The following EPB41L5 variants were observed in gnomAD, a reference collection of about 807,000 sequenced individuals.
EPB41L5 encodes the protein erythrocyte membrane protein band 4.1 like 5.
Under a neutral mutation model 106.6 loss-of-function variants are expected in EPB41L5, and 55 were observed. The ratio of observed to expected loss-of-function variants is 0.52; its 90% confidence interval spans 0.42 to 0.65. EPB41L5 has a LOEUF of 0.65. Ranked by LOEUF, EPB41L5 falls within the 30% of genes least tolerant of loss-of-function variation. The pLI, the probability that EPB41L5 is intolerant of heterozygous loss-of-function variation, is 0.00. For synonymous variants in EPB41L5, 297 were observed against 306.7 expected (o/e 0.97, Z 0.33); for missense variants, 871 against 882.1 (o/e 0.99, Z 0.16).
intron 20 of EPB41L5, among the ~76,000 whole-genome samples, chr2:120,154,708 C>T (rs1275029798): frequency 7.9e-5 from 12 of 151,996 alleles, no homozygotes; most frequent in East Asian, 7.8e-4. Context: ...GGGCAGATCA[C>T]GAGGTCAGGA....
At chr2:120,159,366 C>G (rs570618962) in intron 20 of EPB41L5, among the ~76,000 whole-genome samples, 1 of 141,476 alleles carries the variant, frequency 7.1e-6, no homozygotes, top group African/African-American at 2.7e-5. Flanking sequence ...GAGCTTGCAG[C>G]AAGCCGAGAT....
intron 16 of EPB41L5, chr2:120,105,316 A>T (rs554886778): frequency 1.0e-6 from 1 of 956,986 alleles, no homozygotes; most frequent in South Asian, 4.8e-5. Flanking sequence ...AACTATGTAC[A>T]TAGAAATTTA....
intron 20 of EPB41L5, among the ~76,000 whole-genome samples, 182 bp downstream of exon 20, chr2:120,146,471 T>G (rs1277154284): frequency 6.6e-6 from 1 of 152,254 alleles, no homozygotes; most frequent in African/African-American, 2.4e-5. Context: ...ATGTTCCTAA[T>G]TAGTCTCCCA....
rs995000471 is a variant in EPB41L5 at position 120,104,441 on chromosome 2, G to T, written c.1337+3627G>T. ...GAAGCCATATAGCATCAATGATAAT[G>T]ACAAATGTTTGTGTTGAAAAGAGTG... is the stretch of plus-strand genomic sequence containing the variant. On this transcript the variant is annotated intron_variant, in intron 16 of 24. Transcript: ENST00000263713. 11 of 1,330,112 alleles carry T rather than the reference G, an allele frequency of 8.3e-6. No homozygotes were observed. The African/African-American group carries it at 1.6e-4, about 20-fold the overall frequency. 82.4% of individuals were successfully genotyped at this position (1,330,112 alleles called of 1,614,324 possible). A position where few individuals can be genotyped will look rare whatever the true frequency, so the allele number is the denominator to read the frequency against.
intron 11 of EPB41L5, among the ~76,000 whole-genome samples, chr2:120,089,137 G>A (rs147994237): frequency 8.5e-5 from 13 of 152,100 alleles, no homozygotes; most frequent in East Asian, 7.7e-4. Context: ...GGTAATTAGC[G>A]TATCCATCTT....
chr2:120,100,200 A>G (rs769146578), intron 14 of EPB41L5, 44 bp from the exon 15 acceptor site: 1 of 1,521,756 alleles, frequency 6.6e-7, no homozygotes, highest in East Asian at 2.3e-5. Context: ...GAAGTCCTGA[A>G]ATTTCATATA....
Position 120,174,856 on chromosome 2 carries a change from G to A in EPB41L5, c.2151G>A (p.Leu717=). 2 of 1,614,096 alleles carry A rather than the reference G, an allele frequency of 1.2e-6. No homozygotes were observed. The highest frequency in any genetic ancestry group is 1.7e-6 in the Non-Finnish European group (2 of 1,180,006). The change falls in exon 25 of 25, where the codon TTG becomes TTA. Residue 717 remains leucine (L), a synonymous_variant. Coordinates refer to ENST00000263713, the MANE Select transcript of EPB41L5 (RefSeq NM_020909.4). ...VDAVTSSGPI[L]AEEAVLKQKC... ...TTCCTTTCAGCTCTGGTCCCATTTT[G>A]GCAGAAGAAGCTGTCCTGAAGCAGA...
At chr2:120,082,201 A>G (rs1682721914) in intron 10 of EPB41L5, among the ~76,000 whole-genome samples, 1 of 152,122 alleles carries the variant, frequency 6.6e-6, no homozygotes, top group Admixed American at 6.6e-5. Context: ...TTTCAAAGGG[A>G]ACGCTTCCAG....
chr2:120,117,012 T>C (rs1558887317), intron 16 of EPB41L5, among the ~76,000 whole-genome samples: 1 of 152,236 alleles, frequency 6.6e-6, no homozygotes, highest in Non-Finnish European at 1.5e-5. Context: ...AAAATATTTT[T>C]CATTTGCCCT....
chr2:120,107,385 C>T (rs1295056961), intron 16 of EPB41L5, among the ~76,000 whole-genome samples: 4 of 152,140 alleles, frequency 2.6e-5, no homozygotes, highest in Non-Finnish European at 5.9e-5. Context: ...TTTGCTAAAA[C>T]AAAATCATCT....
At position 120,127,686 on chromosome 2, in the gene EPB41L5, A is replaced by G. The variant is rs368615720; in HGVS notation, c.1338-2A>G. The G allele has an allele frequency of 1.3e-6, 2 of 1,579,868 alleles. No homozygotes were observed. The highest frequency in any genetic ancestry group is 2.7e-5 in the African/African-American group (2 of 74,516). On this transcript the variant is annotated splice_acceptor_variant, in intron 16 of 24. Coordinates refer to ENST00000263713, the MANE Select transcript of EPB41L5 (RefSeq NM_020909.4). LOFTEE classifies it high-confidence loss of function. ...TAAGTAAATTTTCTATTTCCATTGC[A>G]GCATTCCTCTGAATATTGATTTGCT...
At chr2:120,133,288 G>T (rs1017632325) in intron 18 of EPB41L5, among the ~76,000 whole-genome samples, 2 of 152,136 alleles carry the variant, frequency 1.3e-5, no homozygotes, top group Non-Finnish European at 2.9e-5. Context: ...ACCTTCATAA[G>T]AACCGGAAAT....
rs558889342 is a variant in EPB41L5 at position 120,124,532 on chromosome 2, G to A, written c.1338-3156G>A. Among the ~76,000 whole-genome samples the A allele has an allele frequency of 1.3e-4, 20 of 152,176 alleles. 1 individual carries two copies. The South Asian group carries it at 3.3e-3, about 25-fold the overall frequency. ...ATGAGAATCCCAATGCAGACATGAC[G>A]TTACTTCATTCCTATGTACTTTTGC... On this transcript the variant is annotated intron_variant, in intron 16 of 24. Coordinates refer to ENST00000263713, the MANE Select transcript of EPB41L5 (RefSeq NM_020909.4).
chr2:120,019,365 A>G, intron 2 of EPB41L5, 101 bp downstream of exon 2: 3 of 1,123,316 alleles, frequency 2.7e-6, no homozygotes, highest in Non-Finnish European at 3.9e-6. Context: ...GAAATAAGTA[A>G]AGGTATTATG....
intron 16 of EPB41L5, among the ~76,000 whole-genome samples, chr2:120,119,838 T>C (rs1446726923): frequency 5.3e-5 from 8 of 152,196 alleles, no homozygotes; most frequent in Admixed American, 4.6e-4. Flanking sequence ...ACAATTAATT[T>C]GCATTTCTTT....
intron 18 of EPB41L5, among the ~76,000 whole-genome samples, chr2:120,142,140 T>C (rs1326483664): frequency 6.7e-6 from 1 of 148,904 alleles, no homozygotes; most frequent in Non-Finnish European, 1.5e-5. Context: ...AAAAACAAGG[T>C]AAAATATACA....
At chr2:120,016,378 C>A (rs902974950) in intron 1 of EPB41L5, among the ~76,000 whole-genome samples, 1 of 151,382 alleles carries the variant, frequency 6.6e-6, no homozygotes, top group Non-Finnish European at 1.5e-5. Context: ...TGCAGTGAGC[C>A]GAGATCGCGC....
intron 3 of EPB41L5, among the ~76,000 whole-genome samples, chr2:120,062,164 C>T (rs1198262820): frequency 6.6e-6 from 1 of 152,168 alleles, no homozygotes; most frequent in East Asian, 1.9e-4. Context: ...ATAAAATTAT[C>T]ACTGGCAAAT....
intron 3 of EPB41L5, among the ~76,000 whole-genome samples, chr2:120,052,924 A>G (rs955085431): frequency 4.6e-5 from 7 of 152,022 alleles, no homozygotes; most frequent in African/African-American, 1.4e-4. Flanking sequence ...CTCTTTCCAT[A>G]TTTGTAGTTC....
Sources: allele counts gnomAD v4.1 joint callset (sites outside exome capture counted in the v4.1 genomes callset), GRCh38; gene constraint gnomAD v4.1.1; transcripts MANE v1.5; gene names NCBI Gene and HGNC (gene_info 2026-07-23, HGNC 2026-07-21).